The following RBBP8 variants were observed in gnomAD, a reference collection of about 807,000 sequenced individuals.
RBBP8 encodes RB binding protein 8, endonuclease.
A neutral mutation model predicts 108.3 loss-of-function variants in RBBP8; 88 were observed. The ratio of observed to expected loss-of-function variants is 0.81; its 90% CI spans 0.68 to 0.97. The LOEUF is 0.97. Ranked by LOEUF, RBBP8 falls within the 50% of genes least tolerant of loss-of-function variation. The pLI, the probability that RBBP8 is intolerant of heterozygous loss-of-function variation, is 0.00. For synonymous variants in RBBP8, 332 were observed against 348.2 expected (o/e 0.95, Z 0.52); for missense variants, 1,023 against 1,049.0 (o/e 0.98, Z 0.34).
At chr18:22,995,275 C>G (rs1411899017) in intron 12 of RBBP8, among the ~76,000 whole-genome samples, 1 of 151,360 alleles carries the variant, frequency 6.6e-6, no homozygotes, top group Non-Finnish European at 1.5e-5. Context: ...CATGGTTGCT[C>G]TAGGGATTAC....
rs1269552235 is a variant in RBBP8 at position 22,933,334 on chromosome 18, C to G, written c.-329C>G. Reference sequence around the variant, plus strand: ...TGACGCAAGTGGAACTCCCGCGTGACGTCGCGCGGGCTCCCGGGCGGGGCG... The same window carrying G: ...TGACGCAAGTGGAACTCCCGCGTGAGGTCGCGCGGGCTCCCGGGCGGGGCG... On this transcript the variant is annotated 5_prime_UTR_variant, in exon 1 of 19. Transcript: ENST00000327155. 1 of 152,502 alleles carries G rather than the reference C, an allele frequency of 6.6e-6. No individual in the cohort carries two copies. Among genetic ancestry groups the G allele is most frequent in the East Asian group, 1.9e-4 (1 of 5,168 alleles). 9.4% of individuals were successfully genotyped at this position (152,502 alleles called of 1,614,324 possible).
intron 1 of RBBP8, among the ~76,000 whole-genome samples, chr18:22,914,900 A>C (rs1201078412): frequency 6.6e-6 from 1 of 152,162 alleles, no homozygotes; most frequent in Non-Finnish European, 1.5e-5. Flanking sequence ...TGTCATGCCT[A>C]TTAGGTCTGA....
intron 6 of RBBP8, among the ~76,000 whole-genome samples, chr18:22,976,036 T>C (rs911683996): frequency 6.6e-6 from 1 of 152,156 alleles, no homozygotes; most frequent in Non-Finnish European, 1.5e-5. Context: ...GTTATAGCGT[T>C]CCTAAAGATC....
chr18:22,918,167 T>A (rs1909440715), intron 3 of RBBP8, among the ~76,000 whole-genome samples: 1 of 152,198 alleles, frequency 6.6e-6, no homozygotes, highest in Non-Finnish European at 1.5e-5. Flanking sequence ...TAAATACTTT[T>A]TAAAAATTCA....
intron 2 of RBBP8, 163 bp from the exon 3 acceptor site, chr18:22,946,281 A>G (rs1911551282): frequency 1.3e-6 from 1 of 793,260 alleles, no homozygotes; most frequent in Admixed American, 2.9e-5. Flanking sequence ...AATACATTGC[A>G]GATATGCTTT....
At chr18:23,024,344 G>A (rs1239569733) in intron 18 of RBBP8, among the ~76,000 whole-genome samples, 1 of 151,976 alleles carries the variant, frequency 6.6e-6, no homozygotes, top group African/African-American at 2.4e-5. Flanking sequence ...CATACTCTTA[G>A]TTTTATGAAG....
intron 2 of RBBP8, among the ~76,000 whole-genome samples, chr18:22,943,040 A>C (rs1165903104): frequency 6.6e-6 from 1 of 152,030 alleles, no homozygotes; most frequent in African/African-American, 2.4e-5. Flanking sequence ...ATATTTCTTG[A>C]TTCATTTTTT....
At chr18:22,962,679 A>C (rs1913203459) in intron 4 of RBBP8, among the ~76,000 whole-genome samples, 1 of 146,580 alleles carries the variant, frequency 6.8e-6, no homozygotes, top group Non-Finnish European at 1.5e-5. Context: ...GAGCTCACAC[A>C]CATACACACC....
rs1915494741 is a variant in RBBP8 at position 22,988,795 on chromosome 18, G to A, written c.710-426G>A. Among the ~76,000 whole-genome samples the A allele has an allele frequency of 2.0e-5, 3 of 152,192 alleles. No individual in the cohort carries two copies. The South Asian group carries it at 6.2e-4, about 32-fold the overall frequency. On this transcript the variant is annotated intron_variant, in intron 8 of 18. Transcript: ENST00000327155. ...TAGAACATAGGTGATTTATGAATAT[G>A]TGTTAGCTTAACCTGAAACATGCAG...
intron 2 of RBBP8, among the ~76,000 whole-genome samples, chr18:22,938,810 A>G (rs969453965): frequency 3.3e-5 from 5 of 152,256 alleles, no homozygotes; most frequent in African/African-American, 1.2e-4. Context: ...ACTGAAATAC[A>G]AAAGTGAATG....
chr18:22,984,046 A>C (rs1477068244), intron 7 of RBBP8, among the ~76,000 whole-genome samples: 1 of 152,134 alleles, frequency 6.6e-6, no homozygotes, highest in Non-Finnish European at 1.5e-5. Flanking sequence ...ATGCCACTGC[A>C]CTCCAGCCTG....
intron 4 of RBBP8, among the ~76,000 whole-genome samples, chr18:22,953,222 A>G (rs1454295659): frequency 2.6e-5 from 4 of 152,220 alleles, no homozygotes; most frequent in Non-Finnish European, 4.4e-5. Flanking sequence ...TTCCTCATTT[A>G]TAGCAGGATC....
chr18:22,944,938 G>A (rs1911424427), intron 2 of RBBP8, among the ~76,000 whole-genome samples: 2 of 152,158 alleles, frequency 1.3e-5, no homozygotes, highest in Non-Finnish European at 2.9e-5. Flanking sequence ...TTGTCCAAAA[G>A]ATTGTATCAA....
In RBBP8 at chr18:22,990,809, G is replaced by A. The variant is rs191570115; in HGVS notation, c.808-128G>A. 6 of 672,012 alleles carry A rather than the reference G, an allele frequency of 8.9e-6. No individual in the cohort carries two copies. In the East Asian group the frequency reaches 1.7e-4, roughly 19 times the overall value. The allele number at this position is 672,012 out of a possible 1,614,324, so 41.6% of individuals were successfully genotyped here. A position where few individuals can be genotyped will look rare whatever the true frequency, so the allele number is the denominator to read the frequency against. On this transcript the variant is annotated intron_variant, in intron 9 of 18. Coordinates refer to ENST00000327155, the MANE Select transcript of RBBP8 (RefSeq NM_002894.3). ...ATATAAATGGAATCATACATTATGT[G>A]GCCTTTGTCTGGCTTCTTAGTATAT...
intron 6 of RBBP8, among the ~76,000 whole-genome samples, chr18:22,981,595 C>T (rs1438929654): frequency 6.6e-6 from 1 of 152,146 alleles, no homozygotes; most frequent in African/African-American, 2.4e-5. Context: ...TGGTTGTTAT[C>T]ATTGTTAGTG....
Position 22,949,653 on chromosome 18 carries a change from AT to A in RBBP8, c.189del (p.Gln64AsnfsTer3). ...AQRLEEFFTK[N>X]QQLREQQKVL... ...AGACTAGAAGAATTCTTCACCAAAA[AT>A]CAACAGCTGAGGGAACAGCAGAAAG... On this transcript the variant is annotated frameshift_variant, in exon 4 of 19. Transcript: ENST00000327155. LOFTEE classifies it high-confidence loss of function. The A allele has an allele frequency of 6.2e-7, 1 of 1,613,534 alleles. No homozygotes were observed. Among genetic ancestry groups the A allele is most frequent in the Middle Eastern group, 1.7e-4 (1 of 6,058 alleles).
intron 6 of RBBP8, among the ~76,000 whole-genome samples, chr18:22,979,320 G>A (rs1337847918): frequency 4.0e-5 from 6 of 151,888 alleles, no homozygotes; most frequent in Admixed American, 3.9e-4. Flanking sequence ...TTATGTTTAT[G>A]TTTATTTTAT....
At chr18:22,976,091 T>C (rs934970301) in intron 6 of RBBP8, among the ~76,000 whole-genome samples, 1 of 152,130 alleles carries the variant, frequency 6.6e-6, no homozygotes, top group Non-Finnish European at 1.5e-5. Flanking sequence ...AGTAAAACTA[T>C]GTAGATGTAA....
chr18:23,001,528 G>A (rs1299547618), intron 14 of RBBP8, 58 bp from the exon 15 acceptor site: 1 of 1,592,258 alleles, frequency 6.3e-7, no homozygotes, highest in Non-Finnish European at 8.6e-7. Flanking sequence ...GTTTCATGAT[G>A]GTCTACATAT....
Sources: gnomAD v4.1 joint callset for allele counts (sites outside exome capture counted in the v4.1 genomes callset) on GRCh38, gnomAD v4.1.1 for gene constraint, MANE v1.5 for transcripts, NCBI Gene and HGNC (gene_info 2026-07-23, HGNC 2026-07-21) for gene names.